HEMK2: variants seen among roughly 807,000 people sequenced by gnomAD.
HEMK2 encodes HemK methyltransferase 2, ETF1 glutamine and histone H4 lysine.
At chr21:28,835,557 AG>A in the HEMK2 span, among the ~76,000 whole-genome samples, 2 of 152,144 alleles carry the variant, frequency 1.3e-5, no homozygotes, top group Non-Finnish European at 2.9e-5. Flanking sequence ...AAACCAACCC[AG>A]GTAATACTAC....
At chr21:28,802,591 C>T in the HEMK2 span, among the ~76,000 whole-genome samples, 1 of 152,066 alleles carries the variant, frequency 6.6e-6, no homozygotes, top group Admixed American at 6.5e-5. Flanking sequence ...ATTAGCTGGG[C>T]ATAGTGGCAT....
At chr21:28,797,167 G>C in the HEMK2 span, among the ~76,000 whole-genome samples, 1 of 152,116 alleles carries the variant, frequency 6.6e-6, no homozygotes. Flanking sequence ...ACCATCTGCA[G>C]ACTCTAACTC....
the HEMK2 span, among the ~76,000 whole-genome samples, chr21:28,844,767 T>C: frequency 7.0e-6 from 1 of 143,862 alleles, no homozygotes; most frequent in Admixed American, 7.1e-5. Context: ...AAATTACACT[T>C]TCTTTTACTT....
chr21:28,770,752 C>T, the HEMK2 span, among the ~76,000 whole-genome samples: 2 of 152,106 alleles, frequency 1.3e-5, no homozygotes, highest in African/African-American at 4.8e-5. Context: ...GATGCTGACA[C>T]CTTGACTTTC....
chr21:28,819,102 G>C, the HEMK2 span, among the ~76,000 whole-genome samples: 1 of 152,112 alleles, frequency 6.6e-6, no homozygotes, highest in African/African-American at 2.4e-5. Flanking sequence ...ACTCAAAGAA[G>C]CTGGAAATTC....
the HEMK2 span, among the ~76,000 whole-genome samples, chr21:28,618,880 A>T: frequency 6.6e-6 from 1 of 152,188 alleles, no homozygotes; most frequent in Non-Finnish European, 1.5e-5. Context: ...TTCCATGTAC[A>T]TTGGTCGTTA....
the HEMK2 span, among the ~76,000 whole-genome samples, chr21:28,645,534 T>G: frequency 6.6e-6 from 1 of 152,218 alleles, no homozygotes; most frequent in South Asian, 2.1e-4. Flanking sequence ...TCCCCTAAAT[T>G]TCTGCATACC....
At chr21:28,818,687 C>A in the HEMK2 span, among the ~76,000 whole-genome samples, 1 of 152,156 alleles carries the variant, frequency 6.6e-6, no homozygotes, top group Non-Finnish European at 1.5e-5. Flanking sequence ...TTGGGCCCCA[C>A]TGCAGTTTCC....
chr21:28,660,909 T>C, the HEMK2 span, among the ~76,000 whole-genome samples: 157 of 152,082 alleles, frequency 1.0e-3, no homozygotes, highest in Non-Finnish European at 1.5e-3. Flanking sequence ...TATGAACCAA[T>C]TGTTTAATAC....
At chr21:28,647,282 G>A in the HEMK2 span, among the ~76,000 whole-genome samples, 16 of 132,388 alleles carry the variant, frequency 1.2e-4, no homozygotes, top group Admixed American at 2.5e-4. Flanking sequence ...TCAAGAGATC[G>A]AGACTATCCT....
chr21:28,778,396 CA>C, the HEMK2 span, among the ~76,000 whole-genome samples: 1 of 152,204 alleles, frequency 6.6e-6, no homozygotes, highest in Non-Finnish European at 1.5e-5. Context: ...ACACATTCAT[CA>C]ACATGTTTTT....
the HEMK2 span, among the ~76,000 whole-genome samples, chr21:28,767,948 C>T: frequency 1.6e-3 from 238 of 152,068 alleles, no homozygotes; most frequent in Middle Eastern, 0.017. Context: ...GCCCCTCCAG[C>T]GACCCCCCTT....
the HEMK2 span, among the ~76,000 whole-genome samples, chr21:28,733,203 C>T: frequency 0.32 from 48,045 of 151,682 alleles, 8,409 homozygotes; most frequent in East Asian, 0.48. Context: ...GGTGTGAACC[C>T]GGGAGGCGGA....
the HEMK2 span, among the ~76,000 whole-genome samples, chr21:28,822,201 C>T: frequency 6.6e-6 from 1 of 152,156 alleles, no homozygotes; most frequent in Non-Finnish European, 1.5e-5. Flanking sequence ...AGTTTAGAAG[C>T]ACTCAGGGAG....
the HEMK2 span, among the ~76,000 whole-genome samples, chr21:28,854,852 C>T: frequency 4.6e-5 from 7 of 152,354 alleles, no homozygotes; most frequent in Admixed American, 4.6e-4. Context: ...TGGCAACACC[C>T]TCACAGACAC....
chr21:28,749,522 C>T, the HEMK2 span, among the ~76,000 whole-genome samples: 2 of 151,162 alleles, frequency 1.3e-5, no homozygotes, highest in South Asian at 2.1e-4. Context: ...GGACACACAG[C>T]CAAAATTCCA....
the HEMK2 span, among the ~76,000 whole-genome samples, chr21:28,748,455 CT>C: frequency 6.6e-6 from 1 of 152,142 alleles, no homozygotes; most frequent in Non-Finnish European, 1.5e-5. Flanking sequence ...GGAGTAAGTT[CT>C]TTTTCATTTG....
At chr21:28,578,345 G>A in the HEMK2 span, among the ~76,000 whole-genome samples, 1 of 152,118 alleles carries the variant, frequency 6.6e-6, no homozygotes, top group East Asian at 1.9e-4. Context: ...TCCATAACAA[G>A]GTTGTAATCA....
the HEMK2 span, among the ~76,000 whole-genome samples, chr21:28,614,907 T>G: frequency 6.6e-6 from 1 of 152,164 alleles, no homozygotes; most frequent in Non-Finnish European, 1.5e-5. Context: ...TTGTAAGCAT[T>G]GCTTTTTCAG....
Sources: allele counts gnomAD v4.1 joint callset (sites outside exome capture counted in the v4.1 genomes callset), GRCh38; gene constraint gnomAD v4.1.1; transcripts MANE v1.5; gene names NCBI Gene and HGNC (gene_info 2026-07-23, HGNC 2026-07-21).